Variants in HMCN2 observed in about 807,000 individuals in gnomAD.
HMCN2 encodes hemicentin-2.
A neutral mutation model predicts 377.5 loss-of-function variants in HMCN2; 325 were observed. The observed-to-expected ratio is 0.86, with a 90% CI of 0.79 to 0.94. HMCN2 has a LOEUF of 0.94. Among genes scored for constraint, HMCN2 ranks in the 40% least tolerant of loss-of-function variants. The pLI is 0.00. For synonymous variants in HMCN2, 2,007 were observed against 2,046.8 expected (o/e 0.98, Z 0.53); for missense variants, 4,543 against 4,725.3 (o/e 0.96, Z 1.13).
intron 66 of HMCN2, among the ~76,000 whole-genome samples, chr9:130,392,942 G>A (rs924871298): frequency 4.0e-5 from 6 of 151,886 alleles, no homozygotes; most frequent in Non-Finnish European, 7.4e-5. Flanking sequence ...CTTGCAGTGA[G>A]CCGAGATCGT....
chr9:130,277,455 G>A (rs1834755056), intron 1 of HMCN2, among the ~76,000 whole-genome samples: 1 of 152,160 alleles, frequency 6.6e-6, no homozygotes, highest in Non-Finnish European at 1.5e-5. Flanking sequence ...TGCAACTGGG[G>A]TCAGACTGAC....
At chr9:130,354,438 A>G (rs1488360281) in intron 31 of HMCN2, among the ~76,000 whole-genome samples, 1 of 152,206 alleles carries the variant, frequency 6.6e-6, no homozygotes, top group Admixed American at 6.5e-5. Flanking sequence ...ATTTGAGTCC[A>G]GCAGACACTG....
chr9:130,287,594 T>G (rs1045770081), intron 4 of HMCN2, among the ~76,000 whole-genome samples: 2 of 150,756 alleles, frequency 1.3e-5, no homozygotes, highest in Non-Finnish European at 3.0e-5. Flanking sequence ...GGTCTCCTTG[T>G]GTGCCCCTCC....
chr9:130,270,013 G>A (rs1408703448), intron 1 of HMCN2, among the ~76,000 whole-genome samples: 1 of 147,890 alleles, frequency 6.8e-6, no homozygotes, highest in Non-Finnish European at 1.5e-5. Flanking sequence ...GTTTCACCAT[G>A]TTGGCCAGGC....
In HMCN2 at chr9:130,308,052, G is replaced by A. The variant is rs1836986850; in HGVS notation, c.2200+486G>A. Among the ~76,000 whole-genome samples the A allele has an allele frequency of 6.6e-6, 1 of 152,120 alleles. No homozygotes were observed. The highest frequency in any genetic ancestry group is 1.5e-5 in the Non-Finnish European group (1 of 68,026). ...GCTCACTGCAGCCTCCACCTCCTGGGTTCAAGGGATTCTCGTGCCTCAGCC... is the reference window on the plus strand; with the variant it reads ...GCTCACTGCAGCCTCCACCTCCTGGATTCAAGGGATTCTCGTGCCTCAGCC... On this transcript the variant is annotated intron_variant, in intron 14 of 97. Transcript: ENST00000683500. This position sits in a 1 kb window ranked among gnomAD's most constrained non-coding sequence, Gnocchi z 4.1.
At chr9:130,312,760 G>A (rs1837339480) in intron 15 of HMCN2, among the ~76,000 whole-genome samples, 1 of 150,902 alleles carries the variant, frequency 6.6e-6, no homozygotes, top group African/African-American at 2.4e-5. Context: ...CTACCTCCTA[G>A]GTTCAAGTGA....
intron 57 of HMCN2, among the ~76,000 whole-genome samples, chr9:130,383,823 C>T (rs531146383): frequency 8.5e-5 from 13 of 152,306 alleles, no homozygotes; most frequent in Admixed American, 5.2e-4. Context: ...CCAGGCATTA[C>T]CACCACCATT....
At position 130,431,389 on chromosome 9, in the gene HMCN2, G is replaced by A. The variant is rs1402066239; in HGVS notation, c.14670G>A (p.Arg4890=). 3 of 1,549,922 alleles carry A rather than the reference G, an allele frequency of 1.9e-6. No individual in the cohort carries two copies. Among genetic ancestry groups the A allele is most frequent in the East Asian group, 4.9e-5 (2 of 40,918 alleles). The change falls in exon 96 of 98, where the codon AGG becomes AGA. Residue 4890 remains arginine, a synonymous_variant. Coordinates refer to ENST00000683500, the MANE Select transcript of HMCN2 (RefSeq NM_001291815.2). ...CAGACCTTGACGAGTGCCGCGTGAG[G>A]AACCTGTGTCAGCACGCCTGCCGCA... ...VCTDLDECRV[R]NLCQHACRNT... is the part of the protein sequence containing the mutation.
rs1311421995 is a variant in HMCN2, at chr9:130,308,440, G to A, written c.2200+874G>A. ...GCTGCCAGGCTGGAGTTTGACGGAC[G>A]GGTGCTGGGGTCGCACTAGGTCTTT... On this transcript the variant is annotated intron_variant, in intron 14 of 97. Transcript: ENST00000683500. This position sits in a 1 kb window ranked among gnomAD's most constrained non-coding sequence, Gnocchi z 4.1. Among the ~76,000 whole-genome samples the A allele has an allele frequency of 6.6e-6, 1 of 152,166 alleles. No homozygotes were observed. The highest frequency in any genetic ancestry group is 2.4e-5 in the African/African-American group (1 of 41,434).
intron 4 of HMCN2, among the ~76,000 whole-genome samples, chr9:130,293,303 G>T (rs4427264): frequency 3.2e-4 from 25 of 77,260 alleles, no homozygotes; most frequent in African/African-American, 4.5e-4. Context: ...TTTTTTTTGC[G>T]GTTCTTGTTG....
At position 130,400,932 on chromosome 9, in the gene HMCN2, C is replaced by T. The variant is rs765646665; in HGVS notation, c.11755C>T (p.Arg3919Cys). 9.3e-5 allele frequency: 120 copies of T among 1,287,734 alleles called. No homozygotes were observed. In the African/African-American group the frequency reaches 1.6e-3, roughly 18 times the overall value. 79.8% of individuals were successfully genotyped at this position (1,287,734 alleles called of 1,614,324 possible). A position where few individuals can be genotyped will look rare whatever the true frequency, so the allele number is the denominator to read the frequency against. The change falls in exon 77 of 98, where the codon CGT (arginine) becomes TGT (cysteine). Residue 3919 changes from arginine (R) to cysteine (C), a missense_variant. By Grantham distance (180) the Arg-to-Cys change is radical. This residue lies in a region of HMCN2 where 1,073 missense variants were observed against 1,319.5 expected (regional missense o/e 0.81). Coordinates refer to ENST00000683500, the MANE Select transcript of HMCN2 (RefSeq NM_001291815.2). ...GCTAGGAGCTCGGGGGAGTGGCTATCGTGTCTCACCATCGGGTAAGTAAGG... is the reference window on the plus strand; with the variant it reads ...GCTAGGAGCTCGGGGGAGTGGCTATTGTGTCTCACCATCGGGTAAGTAAGG... ...AQLGARGSGY[R>C]VSPSGALEIG... is the part of the protein sequence containing the mutation.
chr9:130,402,001 T>C (rs186991822), intron 77 of HMCN2, among the ~76,000 whole-genome samples: 1 of 152,194 alleles, frequency 6.6e-6, no homozygotes, highest in Admixed American at 6.5e-5. Flanking sequence ...TGCTTGAGTG[T>C]AGGAGTTCAA....
In HMCN2 at chr9:130,360,584, G is replaced by T; in HGVS notation, c.5930G>T (p.Arg1977Leu). 1 of 1,302,630 alleles carries T rather than the reference G, an allele frequency of 7.7e-7. No individual in the cohort carries two copies. Among genetic ancestry groups the T allele is most frequent in the Non-Finnish European group, 1.0e-6 (1 of 988,010 alleles). 80.7% of individuals were successfully genotyped at this position (1,302,630 alleles called of 1,614,324 possible). The stretch of plus-strand genomic sequence containing the variant: ...AATGTGGCAGGTAGCACAGAGCTGC[G>T]GTATGGCCTACGGGTCAATGGTGAG... ...ASNVAGSTEL[R>L]YGLRVNVPPR... Residue 1977 changes from arginine to leucine, a missense_variant, in exon 38 of 98, where the codon CGG becomes CTG. Arg to Leu is a moderately radical substitution (Grantham distance 102). This residue lies in a region of HMCN2 where 1,032 missense variants were observed against 1,285.1 expected (regional missense o/e 0.80). Transcript: ENST00000683500. This position sits in a 1 kb window ranked among gnomAD's most constrained non-coding sequence, Gnocchi z 4.7.
chr9:130,390,942 G>A (rs1284406387), intron 62 of HMCN2, 35 bp from the exon 63 acceptor site: 1 of 985,888 alleles, frequency 1.0e-6, no homozygotes, highest in Non-Finnish European at 1.2e-6. Context: ...CACAAGAAGG[G>A]GCTGGGGGAT....
At chr9:130,333,039 A>T (rs1358660439) in intron 22 of HMCN2, among the ~76,000 whole-genome samples, 1 of 151,978 alleles carries the variant, frequency 6.6e-6, no homozygotes, top group African/African-American at 2.4e-5. Flanking sequence ...GGAGGGAGGG[A>T]GAGCAGGGAC....
intron 19 of HMCN2, 121 bp downstream of exon 19, chr9:130,322,052 T>C (rs985478747): frequency 3.3e-5 from 5 of 152,086 alleles, no homozygotes; most frequent in Non-Finnish European, 5.9e-5. Flanking sequence ...AAATCATATA[T>C]ATTCTCTGTG....
rs539233973 is a variant in HMCN2, at chr9:130,411,018, T to C, written c.12961+366T>C. On this transcript the variant is annotated intron_variant, in intron 85 of 97. Transcript: ENST00000683500. Reference sequence around the variant, plus strand: ...AATAGGGATTCTGTAGAAAATGTTTTATTGAAGATGAACACCTGTGGAGAA... The same window carrying C: ...AATAGGGATTCTGTAGAAAATGTTTCATTGAAGATGAACACCTGTGGAGAA... 3.9e-5 allele frequency among the ~76,000 whole-genome samples: 6 copies of C among 152,272 alleles called. No individual in the cohort carries two copies. In the East Asian group the frequency reaches 1.2e-3, roughly 29 times the overall value.
At chr9:130,313,198 C>T (rs1837358544) in intron 15 of HMCN2, among the ~76,000 whole-genome samples, 2 of 148,002 alleles carry the variant, frequency 1.4e-5, no homozygotes, top group South Asian at 4.2e-4. Flanking sequence ...ATCTGGGTGG[C>T]AGCTGTCGTC....
chr9:130,291,292 C>A (rs1233414543), intron 4 of HMCN2, among the ~76,000 whole-genome samples: 1 of 152,150 alleles, frequency 6.6e-6, no homozygotes, highest in South Asian at 2.1e-4. Flanking sequence ...TCACTGCAAA[C>A]TCTGCCTCCT....
Sources: allele counts gnomAD v4.1 joint callset (sites outside exome capture counted in the v4.1 genomes callset), GRCh38; gene constraint gnomAD v4.1.1; regional missense constraint gnomAD v4.1.1; non-coding constraint Gnocchi (gnomAD v3.1); transcripts MANE v1.5; gene names NCBI Gene and HGNC (gene_info 2026-07-23, HGNC 2026-07-21).